MEGF11: variants seen among roughly 807,000 people sequenced by gnomAD.
The protein encoded by MEGF11 is multiple EGF like domains 11, also known as multiple epidermal growth factor-like domains protein 11.
A neutral mutation model predicts 146.6 loss-of-function variants in MEGF11; 126 were observed. The ratio of observed to expected loss-of-function variants is 0.86; its 90% CI spans 0.74 to 1.00. The LOEUF (loss-of-function observed/expected upper bound fraction) is 1.00. Ranked by LOEUF, MEGF11 falls within the 50% of genes least tolerant of loss-of-function variation. The pLI, the probability that MEGF11 is intolerant of heterozygous loss-of-function variation, is 0.00. For missense variants in MEGF11, 1,509 were observed against 1,521.2 expected (o/e 0.99, Z 0.13); for synonymous variants, 532 against 583.4 (o/e 0.91, Z 1.27).
At chr15:65,941,604 T>C (rs557248766) in intron 10 of MEGF11, among the ~76,000 whole-genome samples, 30 of 152,364 alleles carry the variant, frequency 2.0e-4, no homozygotes, top group African/African-American at 3.4e-4. Flanking sequence ...CTCCTCTGTA[T>C]TGATGCTCTT....
intron 5 of MEGF11, among the ~76,000 whole-genome samples, chr15:66,063,743 G>C (rs1395315851): frequency 6.6e-6 from 1 of 152,182 alleles, no homozygotes; most frequent in Admixed American, 6.5e-5. Flanking sequence ...CTACACTTGG[G>C]AGTTCTCCAT....
chr15:65,906,206 T>C, intron 23 of MEGF11, 65 bp from the exon 24 acceptor site: 1 of 1,235,858 alleles, frequency 8.1e-7, no homozygotes, highest in Middle Eastern at 1.9e-4. Flanking sequence ...CTGCTTGTGT[T>C]CTTCTTTCTT....
chr15:66,191,446 G>A (rs2090875142), intron 1 of MEGF11, among the ~76,000 whole-genome samples: 1 of 152,224 alleles, frequency 6.6e-6, no homozygotes, highest in South Asian at 2.1e-4. Context: ...TCTGGGGGAA[G>A]AAAATCTTTG....
At chr15:65,902,972 A>G (rs542881140) in intron 24 of MEGF11, among the ~76,000 whole-genome samples, 52 of 152,312 alleles carry the variant, frequency 3.4e-4, no homozygotes, top group Non-Finnish European at 5.9e-4. Context: ...CTTAACTGTC[A>G]GGGAAAAACC....
chr15:65,918,125 C>T, intron 15 of MEGF11, 31 bp from the exon 16 acceptor site: 1 of 1,612,148 alleles, frequency 6.2e-7, no homozygotes, highest in Non-Finnish European at 8.5e-7. Flanking sequence ...GGCACCCATC[C>T]TCCCACCTGT....
chr15:66,187,998 C>T (rs1567277001), intron 1 of MEGF11, among the ~76,000 whole-genome samples: 1 of 152,186 alleles, frequency 6.6e-6, no homozygotes, highest in Non-Finnish European at 1.5e-5. Context: ...CACACACTTC[C>T]AACCTTAGCA....
chr15:66,235,333 C>T (rs1474059334), intron 1 of MEGF11, among the ~76,000 whole-genome samples: 4 of 151,956 alleles, frequency 2.6e-5, no homozygotes, highest in African/African-American at 9.7e-5. Context: ...GAGACCTCAT[C>T]TCTATAAAAA....
chr15:66,201,000 C>T (rs1328206491), intron 1 of MEGF11, among the ~76,000 whole-genome samples: 1 of 152,090 alleles, frequency 6.6e-6, no homozygotes, highest in African/African-American at 2.4e-5. Context: ...CTGGGCTGCC[C>T]CTGCATGTAC....
intron 5 of MEGF11, among the ~76,000 whole-genome samples, chr15:66,056,847 G>A (rs1046294543): frequency 2.0e-5 from 3 of 152,104 alleles, no homozygotes; most frequent in Non-Finnish European, 2.9e-5. Context: ...CCTTCACCCT[G>A]TCATTCTCTG....
intron 1 of MEGF11, among the ~76,000 whole-genome samples, chr15:66,171,740 C>T (rs2141117331): frequency 6.6e-6 from 1 of 151,314 alleles, no homozygotes; most frequent in East Asian, 1.9e-4. Context: ...GCCCTGCAGA[C>T]TCACTACCAT....
chr15:66,053,292 C>G (rs1035399290), intron 5 of MEGF11, among the ~76,000 whole-genome samples: 1 of 152,184 alleles, frequency 6.6e-6, no homozygotes, highest in Non-Finnish European at 1.5e-5. Flanking sequence ...CGAAGGAGTA[C>G]TAACATCCTT....
At chr15:66,192,108 G>T (rs1328031327) in intron 1 of MEGF11, among the ~76,000 whole-genome samples, 1 of 151,332 alleles carries the variant, frequency 6.6e-6, no homozygotes, top group Non-Finnish European at 1.5e-5. Context: ...AAAATAAAAA[G>T]ACCTACTAAA....
At chr15:66,084,591 A>G (rs1167211848) in intron 5 of MEGF11, among the ~76,000 whole-genome samples, 1 of 152,156 alleles carries the variant, frequency 6.6e-6, no homozygotes, top group Non-Finnish European at 1.5e-5. Context: ...CTTTACCAGG[A>G]GCTGAATCAA....
At chr15:65,941,569 C>T (rs1010786026) in intron 10 of MEGF11, among the ~76,000 whole-genome samples, 1 of 152,190 alleles carries the variant, frequency 6.6e-6, no homozygotes. Context: ...GACTCAGTTG[C>T]AGTTCTTGTG....
chr15:66,155,340 G>A (rs1157986876), intron 1 of MEGF11, among the ~76,000 whole-genome samples: 1 of 152,192 alleles, frequency 6.6e-6, no homozygotes, highest in Admixed American at 6.5e-5. Context: ...CAGAGTGAGG[G>A]CGGGGAGAGT....
intron 5 of MEGF11, among the ~76,000 whole-genome samples, chr15:66,037,128 G>A (rs908032720): frequency 6.6e-6 from 1 of 152,140 alleles, no homozygotes; most frequent in Non-Finnish European, 1.5e-5. Flanking sequence ...GCTTGTTGCC[G>A]GTCAGGCCTC....
chr15:66,233,951 C>CTTTTTTTTTTTTTTTTTTTTTTTGT (rs57240560), intron 1 of MEGF11, among the ~76,000 whole-genome samples: 1 of 119,932 alleles, frequency 8.3e-6, no homozygotes, highest in Admixed American at 9.3e-5. Flanking sequence ...TTTTCTTTTT[C>CTTTTTTTTTTTTTTTTTTTTTTTGT]TTTTTTTTTT....
At chr15:66,130,730 G>GAGGAAGGAAGGAAGGAAGGAAGGA (rs137881134) in intron 1 of MEGF11, among the ~76,000 whole-genome samples, 9 of 140,976 alleles carry the variant, frequency 6.4e-5, no homozygotes, top group African/African-American at 2.1e-4. Context: ...AAGAGGGAGG[G>GAGGAAGGAAGGAAGGAAGGAAGGA]AGGAAGGAAG....
intron 10 of MEGF11, among the ~76,000 whole-genome samples, chr15:65,944,448 G>A (rs769759264): frequency 3.3e-5 from 5 of 152,170 alleles, no homozygotes; most frequent in African/African-American, 7.2e-5. Context: ...GGGGCCACAC[G>A]TGGGTTGGGG....
Sources: gnomAD v4.1 joint callset for allele counts (sites outside exome capture counted in the v4.1 genomes callset) on GRCh38, gnomAD v4.1.1 for gene constraint, MANE v1.5 for transcripts, NCBI Gene and HGNC (gene_info 2026-07-23, HGNC 2026-07-21) for gene names.